The following RNF185 variants were observed in gnomAD, a reference collection of about 807,000 sequenced individuals.
The protein encoded by RNF185 is ring finger protein 185.
Under a neutral mutation model 24.9 loss-of-function variants are expected in RNF185, and 13 were observed. The ratio of observed to expected loss-of-function variants is 0.52; its 90% confidence interval spans 0.34 to 0.83. RNF185 has a LOEUF of 0.83. RNF185 is among the 40% of genes least tolerant of loss of function. The pLI, the probability that RNF185 is intolerant of heterozygous loss-of-function variation, is 0.01. For missense variants in RNF185, 184 were observed against 244.7 expected (o/e 0.75, Z 1.65); for synonymous variants, 79 against 90.3 (o/e 0.88, Z 0.71).
intron 2 of RNF185, among the ~76,000 whole-genome samples, chr22:31,189,520 C>T (rs1359954129): frequency 6.6e-6 from 1 of 151,546 alleles, no homozygotes. Flanking sequence ...TGGTTTCAAA[C>T]TCCTCACCTC....
chr22:31,160,598 A>C (rs940958918), intron 1 of RNF185, among the ~76,000 whole-genome samples: 21 of 152,154 alleles, frequency 1.4e-4, no homozygotes, highest in Non-Finnish European at 2.2e-4. Flanking sequence ...GACCGCCTCT[A>C]TCATCTGGGA....
At chr22:31,180,109 C>T (rs756227269) in intron 1 of RNF185, among the ~76,000 whole-genome samples, 2 of 22,432 alleles carry the variant, frequency 8.9e-5, no homozygotes, top group Admixed American at 5.7e-4. Context: ...CAGAACATGG[C>T]GGGGGGGTGG....
intron 5 of RNF185, among the ~76,000 whole-genome samples, chr22:31,200,160 C>A (rs1381068155): frequency 1.3e-5 from 2 of 151,982 alleles, no homozygotes. Flanking sequence ...AGTTTGAGAC[C>A]AGCCTGAGCA....
intron 2 of RNF185, among the ~76,000 whole-genome samples, chr22:31,191,215 C>G (rs911859348): frequency 1.3e-5 from 2 of 152,210 alleles, no homozygotes; most frequent in African/African-American, 2.4e-5. Flanking sequence ...TCATTCACCT[C>G]CACTTCTCCC....
intron 1 of RNF185, among the ~76,000 whole-genome samples, chr22:31,163,202 T>C (rs1297220689): frequency 6.6e-6 from 1 of 152,238 alleles, no homozygotes; most frequent in Non-Finnish European, 1.5e-5. Flanking sequence ...ATATTGTCTT[T>C]GGGTGCTTTA....
chr22:31,186,247 G>A (rs1390340198), intron 1 of RNF185, among the ~76,000 whole-genome samples: 1 of 152,142 alleles, frequency 6.6e-6, no homozygotes, highest in African/African-American at 2.4e-5. Flanking sequence ...CCTTGGACCA[G>A]ATGATCTTTC....
At chr22:31,163,655 AT>A (rs757983727) in intron 1 of RNF185, among the ~76,000 whole-genome samples, 10 of 96,208 alleles carry the variant, frequency 1.0e-4, no homozygotes, top group African/African-American at 1.7e-4. Context: ...TTTTTATTTT[AT>A]TTTATTTATT....
chr22:31,188,738 G>A (rs1280963241), intron 2 of RNF185, among the ~76,000 whole-genome samples: 1 of 151,882 alleles, frequency 6.6e-6, no homozygotes, highest in African/African-American at 2.4e-5. Context: ...GAAGGCTTGA[G>A]CCCAGGAATT....
At chr22:31,169,672 G>A (rs1001370861) in intron 1 of RNF185, among the ~76,000 whole-genome samples, 33 of 152,084 alleles carry the variant, frequency 2.2e-4, no homozygotes, top group African/African-American at 6.3e-4. Context: ...TTTGCCTCTT[G>A]AGTAGTTGGG....
intron 3 of RNF185, among the ~76,000 whole-genome samples, chr22:31,193,749 G>T (rs2048176804): frequency 6.6e-6 from 1 of 150,958 alleles, no homozygotes; most frequent in African/African-American, 2.4e-5. Flanking sequence ...AGCTGAGATT[G>T]CACCACTGCA....
At chr22:31,168,302 G>A (rs929295597) in intron 1 of RNF185, among the ~76,000 whole-genome samples, 3 of 152,156 alleles carry the variant, frequency 2.0e-5, no homozygotes, top group African/African-American at 7.2e-5. Flanking sequence ...TTATGTGTGG[G>A]CACCACTGCA....
Position 31,198,703 on chromosome 22 carries a change from T to C in RNF185, c.363+1713T>C, listed in dbSNP as rs565159254. 2.9e-3 allele frequency among the ~76,000 whole-genome samples: 402 copies of C among 140,716 alleles called. 1 individual carries two copies. The highest frequency in any genetic ancestry group is 9.9e-3 in the African/African-American group (368 of 37,174). 92.3% of individuals were successfully genotyped at this position (140,716 alleles called of 152,430 possible). A position where few individuals can be genotyped will look rare whatever the true frequency, so the allele number is the denominator to read the frequency against. On this transcript the variant is annotated intron_variant, in intron 5 of 6. Coordinates refer to ENST00000326132, the MANE Select transcript of RNF185 (RefSeq NM_152267.4). ...CGTGAGCCACCGCGCACTGCCACTT[T>C]CTTTTTTTTTTTTTTTTTTTTTTTT... is the stretch of plus-strand genomic sequence containing the variant.
intron 1 of RNF185, among the ~76,000 whole-genome samples, chr22:31,168,985 G>A (rs973722678): frequency 2.6e-5 from 4 of 151,940 alleles, no homozygotes; most frequent in Admixed American, 6.6e-5. Context: ...TCTGGGCTCT[G>A]CAACCTCCAC....
intron 1 of RNF185, among the ~76,000 whole-genome samples, chr22:31,162,168 G>T (rs1923619298): frequency 1.3e-5 from 2 of 152,162 alleles, no homozygotes; most frequent in African/African-American, 2.4e-5. Flanking sequence ...TCCATATTAT[G>T]ACCCAGTTCT....
chr22:31,201,577 C>T lies in RNF185; in HGVS notation c.443C>T (p.Ala148Val). The part of the protein sequence containing the change: ...GIGAFPFGIF[A>V]TAFNINDGRP... ...GGGGCATTTCCCTTTGGGATATTTG[C>T]CACAGCATTTAATATAAATGATGGG... Residue 148 changes from alanine (A) to valine (V), a missense_variant, in exon 6 of 7, where the codon GCC (alanine) becomes GTC (valine). Ala to Val is a moderately conservative substitution (Grantham distance 64). Transcript: ENST00000326132. 1 of 1,612,168 alleles carries T rather than the reference C, an allele frequency of 6.2e-7. No individual in the cohort carries two copies. Among genetic ancestry groups the T allele is most frequent in the South Asian group, 1.1e-5 (1 of 91,010 alleles).
At chr22:31,201,044 G>A (rs889765642) in intron 5 of RNF185, among the ~76,000 whole-genome samples, 17 of 150,688 alleles carry the variant, frequency 1.1e-4, no homozygotes, top group Non-Finnish European at 2.1e-4. Flanking sequence ...TCCATTGTTG[G>A]CTAATTAGAG....
At chr22:31,177,663 G>T (rs1427929556) in intron 1 of RNF185, among the ~76,000 whole-genome samples, 1 of 152,142 alleles carries the variant, frequency 6.6e-6, no homozygotes, top group African/African-American at 2.4e-5. Flanking sequence ...AGGGTTCCTG[G>T]CAGAAAGCTT....
chr22:31,165,815 G>A (rs1923887754), intron 1 of RNF185, among the ~76,000 whole-genome samples: 1 of 152,160 alleles, frequency 6.6e-6, no homozygotes, highest in Admixed American at 6.5e-5. Context: ...AGGGAGTAGA[G>A]GAGTCAGTGG....
chr22:31,200,580 T>G (rs970712118), intron 5 of RNF185, among the ~76,000 whole-genome samples: 4 of 152,344 alleles, frequency 2.6e-5, no homozygotes, highest in African/African-American at 9.6e-5. Flanking sequence ...AAGGGAGTTA[T>G]TTATTCACAG....
Sources: gnomAD v4.1 joint callset for allele counts (sites outside exome capture counted in the v4.1 genomes callset) on GRCh38, gnomAD v4.1.1 for gene constraint, MANE v1.5 for transcripts, NCBI Gene and HGNC (gene_info 2026-07-23, HGNC 2026-07-21) for gene names.